The following RANBP2 variants were observed in gnomAD, a reference collection of about 807,000 sequenced individuals.
The protein encoded by RANBP2 is E3 SUMO-protein ligase RanBP2.
Under a neutral mutation model 303.6 loss-of-function variants are expected in RANBP2, and 57 were observed. The ratio of observed to expected loss-of-function variants is 0.19; its 90% CI spans 0.15 to 0.23. The LOEUF (loss-of-function observed/expected upper bound fraction) is 0.23, where lower values mean the gene tolerates loss of function less well. Among genes scored for constraint, RANBP2 ranks in the 10% least tolerant of loss-of-function variants. RANBP2 has a pLI of 1.00. For synonymous variants in RANBP2, 1,167 were observed against 1,301.5 expected, an observed-to-expected ratio of 0.90 and a Z score of 2.23; for missense variants, 3,138 against 3,780.8, an observed-to-expected ratio of 0.83 and a Z score of 4.46.
chr2:109,479,139 A>G, the RANBP2 span, among the ~76,000 whole-genome samples: 3 of 152,126 alleles, frequency 2.0e-5, no homozygotes, highest in African/African-American at 7.2e-5. Context: ...CTTCCTCACA[A>G]TGTGGCGACT....
In RANBP2 at chr2:108,763,615, A is replaced by C; in HGVS notation, c.3076A>C (p.Thr1026Pro). 6.2e-7 allele frequency: 1 copy of C among 1,614,094 alleles called. No homozygotes were observed. The highest frequency in any genetic ancestry group is 8.5e-7 in the Non-Finnish European group (1 of 1,179,988). ...ATCTTTGCCAACACAAGCACACACA[A>C]CACAGCCAACTCCTTTTAAATTTAA... is the stretch of plus-strand genomic sequence containing the variant. ...RPSLPTQAHT[T>P]QPTPFKFNSN... The change falls in exon 20 of 29, where the codon ACA (threonine) becomes CCA (proline). Residue 1026 changes from threonine (T) to proline (P), a missense_variant. By Grantham distance (38) the Thr-to-Pro change is conservative (BLOSUM62 -1). Transcript: ENST00000283195.
At chr2:108,896,993 GC>G in the RANBP2 span, 1 of 1,613,878 alleles carries the variant, frequency 6.2e-7, no homozygotes, top group Non-Finnish European at 8.5e-7. Flanking sequence ...ACAGCATCCA[GC>G]CGCTCAATCT....
intron 20 of RANBP2, among the ~76,000 whole-genome samples, chr2:108,770,245 G>A (rs1677403451): frequency 1.3e-5 from 2 of 152,134 alleles, no homozygotes; most frequent in Admixed American, 1.3e-4. Context: ...GCCAAGAGAG[G>A]CTATCTGATT....
the RANBP2 span, among the ~76,000 whole-genome samples, chr2:109,420,336 G>T: frequency 6.6e-6 from 1 of 152,138 alleles, no homozygotes; most frequent in African/African-American, 2.4e-5. Flanking sequence ...CAAACAAGAT[G>T]ACATAATACA....
chr2:108,831,704 C>CCTTCCTTCCTTCCTTCCTTCCTTCCTTT, the RANBP2 span, among the ~76,000 whole-genome samples: 2 of 141,562 alleles, frequency 1.4e-5, no homozygotes, highest in African/African-American at 5.3e-5. Context: ...ACAGAATCTT[C>CCTTCCTTCCTTCCTTCCTTCCTTCCTTT]CTTCCTTCCT....
chr2:109,488,903 C>T, the RANBP2 span, among the ~76,000 whole-genome samples: 29 of 152,318 alleles, frequency 1.9e-4, no homozygotes, highest in African/African-American at 6.0e-4. Context: ...AGCCCAGTAG[C>T]GGAGTCAGGT....
the RANBP2 span, among the ~76,000 whole-genome samples, chr2:109,025,232 T>A: frequency 6.6e-6 from 1 of 152,250 alleles, no homozygotes; most frequent in Non-Finnish European, 1.5e-5. Context: ...TGTGTGGACA[T>A]ACTGCACTTT....
chr2:109,372,838 C>T, the RANBP2 span, among the ~76,000 whole-genome samples: 1 of 152,228 alleles, frequency 6.6e-6, no homozygotes, highest in Non-Finnish European at 1.5e-5. Context: ...CGAAAGCCCA[C>T]GGGTGACACG....
At position 108,764,652 on chromosome 2, in the gene RANBP2, A is replaced by G. The variant is rs1329868811; in HGVS notation, c.4113A>G (p.Lys1371=). 10 of 1,613,988 alleles carry G rather than the reference A, an allele frequency of 6.2e-6. No individual in the cohort carries two copies. The highest frequency in any genetic ancestry group is 4.5e-5 in the East Asian group (2 of 44,892). The change falls in exon 20 of 29, where the codon AAA becomes AAG. Residue 1371 remains lysine (K), a synonymous_variant. Transcript: ENST00000283195. ...CSLKNASTAK[K]CVSCQNLNPS... The stretch of plus-strand genomic sequence containing the variant: ...TAAAGAATGCTTCAACTGCTAAGAA[A>G]TGTGTATCATGCCAAAATCTAAACC...
chr2:109,545,516 A>G, the RANBP2 span: 7 of 1,535,870 alleles, frequency 4.6e-6, no homozygotes, highest in African/African-American at 4.1e-5. Flanking sequence ...ATCAATGCAC[A>G]GGAGTTCGAA....
the RANBP2 span, among the ~76,000 whole-genome samples, chr2:109,415,913 G>A: frequency 6.6e-6 from 1 of 152,162 alleles, no homozygotes; most frequent in African/African-American, 2.4e-5. Flanking sequence ...ACAAGGGCAA[G>A]GCTGAATAAT....
At chr2:109,696,535 A>G in the RANBP2 span, among the ~76,000 whole-genome samples, 2 of 152,176 alleles carry the variant, frequency 1.3e-5, no homozygotes, top group Non-Finnish European at 2.9e-5. Flanking sequence ...TGCCATTCCT[A>G]AAGTCTTGAC....
chr2:109,719,380 G>A, the RANBP2 span, among the ~76,000 whole-genome samples: 10 of 148,008 alleles, frequency 6.8e-5, no homozygotes, highest in African/African-American at 2.5e-4. Context: ...GATTACAGGT[G>A]TGAGCCACCG....
chr2:109,370,111 A>G, the RANBP2 span, among the ~76,000 whole-genome samples: 2 of 152,078 alleles, frequency 1.3e-5, no homozygotes, highest in African/African-American at 4.8e-5. Context: ...CGAAGGAGGG[A>G]TGGTTCCGGA....
In RANBP2 at chr2:108,755,036, T is replaced by C. The variant is rs1676190811; in HGVS notation, c.2334T>C (p.Ser778=). 2 of 1,611,932 alleles carry C rather than the reference T, an allele frequency of 1.2e-6. No individual in the cohort carries two copies. The highest frequency in any genetic ancestry group is 1.7e-6 in the Non-Finnish European group (2 of 1,179,822). ...LRNADSEIKH[S]TPSPTRYSLS... is the part of the protein sequence containing the mutation. ...ATGCAGATTCAGAAATAAAACATTC[T>C]ACACCGTCTCCTACCAGATATTCAC... The change falls in exon 16 of 29, where the codon TCT becomes TCC. Residue 778 remains serine (S), a synonymous_variant. Coordinates refer to ENST00000283195, the MANE Select transcript of RANBP2 (RefSeq NM_006267.5).
chr2:109,116,892 T>C, the RANBP2 span, among the ~76,000 whole-genome samples: 2 of 152,232 alleles, frequency 1.3e-5, no homozygotes, highest in Admixed American at 1.3e-4. Flanking sequence ...TTGCTAGAGG[T>C]CCACTCCAGA....
chr2:109,664,178 G>A, the RANBP2 span, among the ~76,000 whole-genome samples: 2 of 152,116 alleles, frequency 1.3e-5, no homozygotes, highest in African/African-American at 4.8e-5. Context: ...TTTTTACTTT[G>A]CAGCAAAATG....
At chr2:109,292,914 TA>T in the RANBP2 span, among the ~76,000 whole-genome samples, 1 of 152,152 alleles carries the variant, frequency 6.6e-6, no homozygotes, top group Non-Finnish European at 1.5e-5. Flanking sequence ...GTATTTTTAG[TA>T]GAGACAGGGT....
chr2:109,122,502 C>A, the RANBP2 span, among the ~76,000 whole-genome samples: 2 of 152,292 alleles, frequency 1.3e-5, no homozygotes, highest in Admixed American at 1.3e-4. Flanking sequence ...TGTTGGGTAG[C>A]AGGGATAAGA....
Sources: allele counts gnomAD v4.1 joint callset (sites outside exome capture counted in the v4.1 genomes callset), GRCh38; gene constraint gnomAD v4.1.1; transcripts MANE v1.5; gene names NCBI Gene and HGNC (gene_info 2026-07-23, HGNC 2026-07-21).